The following CAB39 variants were observed in gnomAD, a reference collection of about 807,000 sequenced individuals.
The protein encoded by CAB39 is calcium binding protein 39.
A neutral mutation model predicts 40.0 loss-of-function variants in CAB39; 8 were observed. The ratio of observed to expected loss-of-function variants is 0.20; its 90% CI spans 0.12 to 0.36. The LOEUF is 0.36. CAB39 is among the 10% of genes least tolerant of loss of function. The probability of loss-of-function intolerance (pLI) is 1.00; values close to 1 mark genes in which losing one functional copy is unlikely to be tolerated. For missense variants in CAB39, 270 were observed against 401.1 expected (o/e 0.67, Z 2.79); for synonymous variants, 156 against 141.6 (o/e 1.10, Z -0.72).
In CAB39 at chr2:230,801,175, G is replaced by A. The variant is rs143929110; in HGVS notation, c.567+2278G>A. On this transcript the variant is annotated intron_variant, in intron 5 of 8. Transcript: ENST00000258418. ...AGGGTTCTCCAAGAAACAAAATTAA[G>A]CAGAGTCTACAGCCAAGACAACATG... Among the ~76,000 whole-genome samples the A allele has an allele frequency of 9.0e-4, 137 of 152,268 alleles. 1 individual carries two copies. Among genetic ancestry groups the A allele is most frequent in the African/African-American group, 3.2e-3 (134 of 41,534 alleles).
chr2:230,791,856 G>A (rs1347984628), intron 3 of CAB39, among the ~76,000 whole-genome samples: 3 of 152,212 alleles, frequency 2.0e-5, no homozygotes, highest in South Asian at 2.1e-4. Flanking sequence ...GAATATTTGC[G>A]ATGCATATAT....
intron 7 of CAB39, among the ~76,000 whole-genome samples, chr2:230,815,908 AT>A (rs1286023262): frequency 6.6e-6 from 1 of 152,192 alleles, no homozygotes. Flanking sequence ...ATTGGCATTT[AT>A]TTATTCCCAT....
At chr2:230,748,832 ATATATATATATAT>A (rs1156911034) in intron 1 of CAB39, among the ~76,000 whole-genome samples, 444 of 21,744 alleles carry the variant, frequency 0.02, 29 homozygotes, top group African/African-American at 0.063. Context: ...AAAAAAAAAA[ATATATATATATAT>A]ATATATATAT....
intron 8 of CAB39, 97 bp from the exon 9 acceptor site, chr2:230,818,419 G>C (rs1696442720): frequency 2.1e-6 from 2 of 951,716 alleles, no homozygotes; most frequent in Non-Finnish European, 3.2e-6. Context: ...GCCATCCCAG[G>C]AGAGCACAGC....
intron 1 of CAB39, among the ~76,000 whole-genome samples, chr2:230,751,560 C>T (rs1373129435): frequency 6.6e-6 from 1 of 152,200 alleles, no homozygotes; most frequent in African/African-American, 2.4e-5. Context: ...CAAAGATGGG[C>T]AGTACCTAAC....
At chr2:230,724,635 C>T (rs993704218) in intron 1 of CAB39, among the ~76,000 whole-genome samples, 2 of 145,782 alleles carry the variant, frequency 1.4e-5, no homozygotes, top group Non-Finnish European at 3.0e-5. Context: ...GAGCCAAGAT[C>T]GCGCCATTGC....
chr2:230,725,217 G>C, intron 1 of CAB39: 7 of 1,598,784 alleles, frequency 4.4e-6, no homozygotes, highest in Non-Finnish European at 6.0e-6. Context: ...GTGTCTTTCA[G>C]CCATTCCCGG....
intron 1 of CAB39, among the ~76,000 whole-genome samples, chr2:230,723,233 G>A (rs1694488235): frequency 6.6e-6 from 1 of 152,030 alleles, no homozygotes; most frequent in South Asian, 2.1e-4. Flanking sequence ...TATTGCCATT[G>A]GGGGTTTAAT....
chr2:230,811,387 T>C (rs1696303526), intron 6 of CAB39, among the ~76,000 whole-genome samples: 1 of 152,202 alleles, frequency 6.6e-6, no homozygotes, highest in South Asian at 2.1e-4. Context: ...CCTTCATAAG[T>C]AGCCTCATAA....
At chr2:230,763,344 C>T (rs528587403) in intron 2 of CAB39, among the ~76,000 whole-genome samples, 2 of 152,112 alleles carry the variant, frequency 1.3e-5, no homozygotes, top group Non-Finnish European at 2.9e-5. Flanking sequence ...GTAATTCTGA[C>T]ACCCTGGGAG....
intron 7 of CAB39, among the ~76,000 whole-genome samples, chr2:230,817,047 A>G (rs6739745): frequency 6.6e-6 from 1 of 152,340 alleles, no homozygotes. Flanking sequence ...AAGCCGTGAC[A>G]GTTTAAAAGT....
intron 2 of CAB39, among the ~76,000 whole-genome samples, chr2:230,788,752 A>G (rs760202122): frequency 1.2e-4 from 19 of 152,174 alleles, no homozygotes; most frequent in Non-Finnish European, 2.4e-4. Flanking sequence ...GACTTGCATC[A>G]TTCCTGTCAA....
chr2:230,774,521 G>A (rs1695551018), intron 2 of CAB39, among the ~76,000 whole-genome samples: 1 of 152,176 alleles, frequency 6.6e-6, no homozygotes, highest in Non-Finnish European at 1.5e-5. Flanking sequence ...CCAAACAGAT[G>A]TGGTGTATGT....
At position 230,741,653 on chromosome 2, in the gene CAB39, T is replaced by A. The variant is rs115395551; in HGVS notation, c.-43-18306T>A. ...CCCAACTCTAGGAATGGGAATTTGATCACATCGTAAGTTGGAATCCAATTC... is the reference window on the plus strand; with the variant it reads ...CCCAACTCTAGGAATGGGAATTTGAACACATCGTAAGTTGGAATCCAATTC... On this transcript the variant is annotated intron_variant, in intron 1 of 8. Transcript: ENST00000258418. Among the ~76,000 whole-genome samples the A allele has an allele frequency of 2.5e-3, 384 of 152,288 alleles. 3 individuals are homozygous for A. Among genetic ancestry groups the A allele is most frequent in the African/African-American group, 8.6e-3 (357 of 41,550 alleles).
At chr2:230,774,705 G>A (rs1243284286) in intron 2 of CAB39, among the ~76,000 whole-genome samples, 3 of 152,118 alleles carry the variant, frequency 2.0e-5, no homozygotes, top group South Asian at 4.2e-4. Flanking sequence ...ATTTTAAGAG[G>A]GGGGAAAGGG....
intron 1 of CAB39, among the ~76,000 whole-genome samples, chr2:230,751,218 G>A (rs908646619): frequency 2.6e-5 from 4 of 152,136 alleles, no homozygotes; most frequent in East Asian, 1.9e-4. Flanking sequence ...ATTTGACCAC[G>A]AAGTTCGTGA....
At chr2:230,797,531 G>A (rs1480535268) in intron 4 of CAB39, among the ~76,000 whole-genome samples, 3 of 151,332 alleles carry the variant, frequency 2.0e-5, no homozygotes, top group African/African-American at 7.3e-5. Context: ...CAGGGGGGTG[G>A]GGGTGATTTT....
At chr2:230,765,883 T>C (rs186739457) in intron 2 of CAB39, among the ~76,000 whole-genome samples, 127 of 152,230 alleles carry the variant, frequency 8.3e-4, no homozygotes, top group South Asian at 2.1e-3. Flanking sequence ...TGAACAAGAA[T>C]AGACATTTCG....
chr2:230,727,363 C>CGTGTGT (rs10542723), intron 1 of CAB39, among the ~76,000 whole-genome samples: 4,040 of 126,894 alleles, frequency 0.032, 102 homozygotes, highest in African/African-American at 0.053. Flanking sequence ...GATTGTTAAC[C>CGTGTGT]GTGTGTGTGT....
Sources: allele counts gnomAD v4.1 joint callset (sites outside exome capture counted in the v4.1 genomes callset), GRCh38; gene constraint gnomAD v4.1.1; transcripts MANE v1.5; gene names NCBI Gene and HGNC (gene_info 2026-07-23, HGNC 2026-07-21).